Variants in FARS2 observed in about 807,000 individuals in gnomAD.
FARS2 encodes phenylalanine--tRNA ligase, mitochondrial.
In FARS2, 40 loss-of-function variants were observed where a neutral mutation model predicts 46.4. That is an observed-to-expected ratio of 0.86 (90% CI 0.67 to 1.12). The LOEUF (loss-of-function observed/expected upper bound fraction) is 1.12. Among genes scored for constraint, FARS2 ranks in the 50% most tolerant of loss-of-function variants. The pLI is 0.00. For missense variants in FARS2, 513 were observed against 567.9 expected (o/e 0.90, Z 0.98); for synonymous variants, 234 against 214.9 (o/e 1.09, Z -0.78).
Position 5,602,591 on chromosome 6 carries a change from G to C in FARS2, c.1066-10578G>C, listed in dbSNP as rs375604405. The stretch of plus-strand genomic sequence containing the variant: ...GGACCCAGGAGGCAGAGGTTGCAGT[G>C]AGCCGAGATCATGCCACTGCACTCC... On this transcript the variant is annotated intron_variant, in intron 5 of 6. Coordinates refer to ENST00000274680, the MANE Select transcript of FARS2 (RefSeq NM_006567.5). Among the ~76,000 whole-genome samples the C allele has an allele frequency of 7.3e-5, 10 of 137,658 alleles. No individual in the cohort carries two copies. The South Asian group carries it at 2.2e-3, about 30-fold the overall frequency. 90.3% of individuals were successfully genotyped at this position (137,658 alleles called of 152,430 possible).
At chr6:5,743,016 G>T (rs527569564) in intron 6 of FARS2, among the ~76,000 whole-genome samples, 1 of 152,100 alleles carries the variant, frequency 6.6e-6, no homozygotes, top group East Asian at 1.9e-4. Flanking sequence ...GGAGTGGGGT[G>T]TATATAAGGC....
At chr6:5,264,495 C>CTTTTTTT (rs776344380) in intron 1 of FARS2, among the ~76,000 whole-genome samples, 1 of 139,082 alleles carries the variant, frequency 7.2e-6, no homozygotes, top group Non-Finnish European at 1.6e-5. Flanking sequence ...TTTCTTTTTT[C>CTTTTTTT]TTTTTTTTTT....
Position 5,315,745 on chromosome 6 carries a change from T to C in FARS2, c.-21-52805T>C, listed in dbSNP as rs9504378. Among the ~76,000 whole-genome samples, 358 of 150,324 alleles carry C rather than the reference T, an allele frequency of 2.4e-3. 1 individual carries two copies. Among genetic ancestry groups the C allele is most frequent in the African/African-American group, 8.4e-3 (340 of 40,538 alleles). ...TTCTTTCTTTCTTTCTTTTTTCCTTTCTTTCTTTCTTTCTTTTTTTTGGGG... is the reference window on the plus strand; with the variant it reads ...TTCTTTCTTTCTTTCTTTTTTCCTTCCTTTCTTTCTTTCTTTTTTTTGGGG... On this transcript the variant is annotated intron_variant, in intron 1 of 6. Coordinates refer to ENST00000274680, the MANE Select transcript of FARS2 (RefSeq NM_006567.5).
chr6:5,630,519 A>C lies in FARS2; in HGVS notation c.1217+17199A>C, dbSNP rs1408726689. On this transcript the variant is annotated intron_variant, in intron 6 of 6. Coordinates refer to ENST00000274680, the MANE Select transcript of FARS2 (RefSeq NM_006567.5). The surrounding 1 kb of genome is among the most constrained non-coding windows in gnomAD (Gnocchi z 4.2). ...CAAAGGGTTGGTGTCTCATGGAGCAAGCAAAACGTCCTGACTCTGGAAACC... is the reference window on the plus strand; with the variant it reads ...CAAAGGGTTGGTGTCTCATGGAGCACGCAAAACGTCCTGACTCTGGAAACC... Among the ~76,000 whole-genome samples, 2 of 152,246 alleles carry C rather than the reference A, an allele frequency of 1.3e-5. No individual in the cohort carries two copies. The highest frequency in any genetic ancestry group is 2.4e-5 in the African/African-American group (1 of 41,468).
At chr6:5,637,320 A>G (rs1233640440) in intron 6 of FARS2, among the ~76,000 whole-genome samples, 1 of 152,152 alleles carries the variant, frequency 6.6e-6, no homozygotes, top group East Asian at 1.9e-4. Context: ...ATAAAAGCAA[A>G]TCTTTCTTGA....
At chr6:5,758,491 C>A (rs560879314) in intron 6 of FARS2, among the ~76,000 whole-genome samples, 1 of 152,246 alleles carries the variant, frequency 6.6e-6, no homozygotes, top group South Asian at 2.1e-4. Flanking sequence ...ACAGGGCTAC[C>A]TAGGCTTAGA....
In FARS2 at chr6:5,560,637, A is replaced by T. The variant is rs114889070; in HGVS notation, c.1065+15297A>T. 3.9e-3 allele frequency among the ~76,000 whole-genome samples: 589 copies of T among 152,224 alleles called. 8 individuals carry two copies. Among genetic ancestry groups the T allele is most frequent in the African/African-American group, 0.013 (533 of 41,522 alleles). ...CTCTGGAATAATATTTTGAAGATTT[A>T]TGTTATTTCTTTCTTAAGTGTTTGA... On this transcript the variant is annotated intron_variant, in intron 5 of 6. Transcript: ENST00000274680.
rs144075691 is a variant in FARS2, at chr6:5,705,391, G to T, written c.1218-65900G>T. Among the ~76,000 whole-genome samples the T allele has an allele frequency of 3.4e-4, 52 of 152,214 alleles. No individual in the cohort carries two copies. The East Asian group carries it at 9.8e-3, about 29-fold the overall frequency. The stretch of plus-strand genomic sequence containing the variant: ...AGGCCATGCGAAATGAGTTGCATGC[G>T]CCATGAAGAGCGATTGCGGTGTGCT... On this transcript the variant is annotated intron_variant, in intron 6 of 6. Coordinates refer to ENST00000274680, the MANE Select transcript of FARS2 (RefSeq NM_006567.5).
intron 6 of FARS2, among the ~76,000 whole-genome samples, chr6:5,680,747 T>TC (rs1011515815): frequency 2.0e-5 from 3 of 151,954 alleles, no homozygotes; most frequent in African/African-American, 7.3e-5. Flanking sequence ...GTCTTTTTTT[T>TC]TTTTTTGCTT....
chr6:5,518,700 CTAT>C (rs1400152090), intron 4 of FARS2, among the ~76,000 whole-genome samples: 1 of 152,028 alleles, frequency 6.6e-6, no homozygotes, highest in East Asian at 1.9e-4. Flanking sequence ...TATAGTGTTT[CTAT>C]TATTAGTAAT....
intron 3 of FARS2, among the ~76,000 whole-genome samples, chr6:5,426,270 C>T (rs936376852): frequency 1.5e-4 from 23 of 152,230 alleles, no homozygotes; most frequent in African/African-American, 5.5e-4. Context: ...AGAAGTTAGT[C>T]TTATGCATAA....
chr6:5,350,231 C>T (rs1289838474), intron 1 of FARS2, among the ~76,000 whole-genome samples: 2 of 146,104 alleles, frequency 1.4e-5, no homozygotes, highest in Non-Finnish European at 3.0e-5. Flanking sequence ...TGATCTCAAA[C>T]TCCTGGTCTC....
chr6:5,693,443 A>AT (rs1757895740), intron 6 of FARS2, among the ~76,000 whole-genome samples: 2 of 152,214 alleles, frequency 1.3e-5, no homozygotes, highest in South Asian at 4.1e-4. Context: ...GCTGAGCAGG[A>AT]TATTAATGGG....
At chr6:5,350,169 A>ATT (rs57211565) in intron 1 of FARS2, among the ~76,000 whole-genome samples, 3 of 131,706 alleles carry the variant, frequency 2.3e-5, no homozygotes, top group African/African-American at 5.8e-5. Flanking sequence ...TGCCTGGCAA[A>ATT]TTTTTTTTTT....
At chr6:5,428,810 A>T (rs75769199) in intron 3 of FARS2, among the ~76,000 whole-genome samples, 2,930 of 152,298 alleles carry the variant, frequency 0.019, 92 homozygotes, top group African/African-American at 0.067. Context: ...TCGACTACTC[A>T]GGGGACGTGG....
intron 6 of FARS2, among the ~76,000 whole-genome samples, chr6:5,761,546 C>T (rs146678107): frequency 9.8e-5 from 15 of 152,288 alleles, no homozygotes; most frequent in African/African-American, 2.9e-4. Flanking sequence ...AGTGTCGACA[C>T]GATTGGGAGG....
intron 2 of FARS2, among the ~76,000 whole-genome samples, chr6:5,400,319 A>T (rs1323810056): frequency 2.0e-5 from 3 of 151,704 alleles, no homozygotes; most frequent in Non-Finnish European, 4.4e-5. Context: ...GTCAACTTTT[A>T]AAAGTTTCTT....
chr6:5,550,269 T>C (rs542415684), intron 5 of FARS2, among the ~76,000 whole-genome samples: 5 of 152,318 alleles, frequency 3.3e-5, no homozygotes, highest in Non-Finnish European at 5.9e-5. Context: ...ATATCCTTCT[T>C]TTTTAAAGTT....
intron 5 of FARS2, chr6:5,610,311 T>TAAAAAAAAAAAAAAAAAAAAATAAA (rs1554115958): frequency 3.4e-6 from 1 of 292,268 alleles, no homozygotes. Context: ...CAATTCTTTT[T>TAAAAAAAAAAAAAAAAAAAAATAAA]AAAAAAAAAA....
Sources: gnomAD v4.1 joint callset for allele counts (sites outside exome capture counted in the v4.1 genomes callset) on GRCh38, gnomAD v4.1.1 for gene constraint, Gnocchi (gnomAD v3.1) non-coding constraint, MANE v1.5 for transcripts, NCBI Gene and HGNC (gene_info 2026-07-23, HGNC 2026-07-21) for gene names.